Variants in KHDRBS3 observed in about 807,000 individuals in gnomAD.
KHDRBS3 encodes KH domain-containing, RNA-binding, signal transduction-associated protein 3.
A neutral mutation model predicts 45.6 loss-of-function variants in KHDRBS3; 23 were observed. The observed-to-expected ratio is 0.50, with a 90% CI of 0.36 to 0.72. The LOEUF is 0.72. Ranked by LOEUF, KHDRBS3 falls within the 30% of genes least tolerant of loss-of-function variation. The pLI is 0.00. For synonymous variants in KHDRBS3, 162 were observed against 156.5 expected (o/e 1.04, Z -0.26); for missense variants, 352 against 424.8 (o/e 0.83, Z 1.51).
rs767965972 is a variant in KHDRBS3 at position 135,582,450 on chromosome 8, G to A, written c.807+377G>A. Reference sequence around the variant, plus strand: ...GCCTGCGTATACCAAGATGGTTTCCGCCTTAACTGTTTCCTTTTAAGCTAC... The same window carrying A: ...GCCTGCGTATACCAAGATGGTTTCCACCTTAACTGTTTCCTTTTAAGCTAC... On this transcript the variant is annotated intron_variant, in intron 6 of 8. Coordinates refer to ENST00000355849, the MANE Select transcript of KHDRBS3 (RefSeq NM_006558.3). Among the ~76,000 whole-genome samples, 5 of 152,104 alleles carry A rather than the reference G, an allele frequency of 3.3e-5. No individual in the cohort carries two copies. The East Asian group carries it at 9.6e-4, about 29-fold the overall frequency.
intron 6 of KHDRBS3, among the ~76,000 whole-genome samples, chr8:135,587,171 T>G (rs536801141): frequency 6.6e-6 from 1 of 152,342 alleles, no homozygotes; most frequent in South Asian, 2.1e-4. Context: ...TTTCTCAAGG[T>G]GAGTTGGTGA....
chr8:135,523,823 G>T (rs1825039203), intron 2 of KHDRBS3, among the ~76,000 whole-genome samples: 1 of 151,784 alleles, frequency 6.6e-6, no homozygotes, highest in African/African-American at 2.4e-5. Flanking sequence ...AAATTTTTTT[G>T]AATGCTTTTT....
At chr8:135,517,929 TTAGA>T (rs1824700166) in intron 1 of KHDRBS3, among the ~76,000 whole-genome samples, 2 of 152,172 alleles carry the variant, frequency 1.3e-5, no homozygotes, top group African/African-American at 2.4e-5. Flanking sequence ...AGAGAGGAAA[TTAGA>T]TATTTTATAT....
intron 7 of KHDRBS3, among the ~76,000 whole-genome samples, chr8:135,630,418 A>G (rs1412082695): frequency 6.6e-6 from 1 of 152,044 alleles, no homozygotes; most frequent in African/African-American, 2.4e-5. Flanking sequence ...AATTTACCAA[A>G]CCTACTTTTT....
At chr8:135,584,453 G>T (rs1240690495) in intron 6 of KHDRBS3, among the ~76,000 whole-genome samples, 1 of 152,172 alleles carries the variant, frequency 6.6e-6, no homozygotes, top group African/African-American at 2.4e-5. Flanking sequence ...CATCATGAAG[G>T]GTTCAGATTA....
chr8:135,584,500 T>C (rs1828369789), intron 6 of KHDRBS3, among the ~76,000 whole-genome samples: 2 of 152,216 alleles, frequency 1.3e-5, no homozygotes, highest in South Asian at 4.1e-4. Context: ...TTAGCATCTA[T>C]TATTCCTGGC....
chr8:135,627,685 A>G (rs559801581), intron 7 of KHDRBS3, among the ~76,000 whole-genome samples: 1 of 152,218 alleles, frequency 6.6e-6, no homozygotes, highest in African/African-American at 2.4e-5. Context: ...GTGAAAGTTA[A>G]CATACGTATA....
chr8:135,632,607 C>A (rs915004624), intron 7 of KHDRBS3, among the ~76,000 whole-genome samples: 3 of 152,058 alleles, frequency 2.0e-5, no homozygotes, highest in Non-Finnish European at 2.9e-5. Flanking sequence ...ACTCTCCCTG[C>A]CCTGAAAGCT....
At chr8:135,588,204 GT>G (rs1828572571) in intron 6 of KHDRBS3, among the ~76,000 whole-genome samples, 1 of 152,146 alleles carries the variant, frequency 6.6e-6, no homozygotes, top group Non-Finnish European at 1.5e-5. Context: ...CCTTTCTTAT[GT>G]TTGATAATTT....
At chr8:135,616,729 G>A (rs532506047) in intron 7 of KHDRBS3, among the ~76,000 whole-genome samples, 4 of 152,236 alleles carry the variant, frequency 2.6e-5, no homozygotes, top group Admixed American at 6.5e-5. Context: ...TCTAAAAAGC[G>A]CTTGTGTTGA....
At chr8:135,562,426 C>G (rs1205979637) in intron 5 of KHDRBS3, among the ~76,000 whole-genome samples, 1 of 152,172 alleles carries the variant, frequency 6.6e-6, no homozygotes, top group African/African-American at 2.4e-5. Flanking sequence ...GGCTACGCCA[C>G]CTAGGTTTAT....
intron 7 of KHDRBS3, among the ~76,000 whole-genome samples, chr8:135,626,758 T>C (rs1049858778): frequency 4.6e-5 from 6 of 131,296 alleles, no homozygotes; most frequent in African/African-American, 1.8e-4. Context: ...GAGCCGAGAT[T>C]GCGCCACCGC....
intron 7 of KHDRBS3, 27 bp from the exon 8 acceptor site, chr8:135,645,032 C>T (rs546223861): frequency 6.2e-7 from 1 of 1,609,162 alleles, no homozygotes. Context: ...ATGATTTTGT[C>T]CTTTGTTTTG....
At chr8:135,655,489 A>T (rs768527789) in intron 4 of KHDRBS3, among the ~76,000 whole-genome samples, 35 of 152,232 alleles carry the variant, frequency 2.3e-4, no homozygotes, top group Non-Finnish European at 2.2e-4. Flanking sequence ...AAATGGCGTC[A>T]TGTGTTTTAG....
intron 1 of KHDRBS3, among the ~76,000 whole-genome samples, chr8:135,468,308 AT>A (rs1213734608): frequency 1.3e-5 from 2 of 152,008 alleles, no homozygotes; most frequent in Non-Finnish European, 2.9e-5. Context: ...CAAATGAGCC[AT>A]TTTCCCCAAA....
intron 2 of KHDRBS3, among the ~76,000 whole-genome samples, chr8:135,530,315 A>G (rs1174868265): frequency 1.3e-5 from 2 of 152,210 alleles, no homozygotes; most frequent in Admixed American, 6.5e-5. Flanking sequence ...TTGCGTGACT[A>G]TACTGGTATT....
rs755493434 is a variant in KHDRBS3 at position 135,457,825 on chromosome 8, G to A, written c.-42G>A. 9.7e-5 allele frequency: 135 copies of A among 1,388,408 alleles called. No individual in the cohort carries two copies. Among genetic ancestry groups the A allele is most frequent in the Non-Finnish European group, 1.2e-4 (126 of 1,034,864 alleles). 86.0% of individuals were successfully genotyped at this position (1,388,408 alleles called of 1,614,324 possible). A position where few individuals can be genotyped will look rare whatever the true frequency, so the allele number is the denominator to read the frequency against. On this transcript the variant is annotated 5_prime_UTR_variant, in exon 1 of 9. The change creates a new upstream start codon in the 5' untranslated region. Transcript: ENST00000355849. This position sits in a 1 kb window ranked among gnomAD's most constrained non-coding sequence, Gnocchi z 4.4. ...CGGGGGTTGCCGGGCGCCGCCCCCC[G>A]TGCGCCTGGAGTCCACATCCCGGGC...
At chr8:135,475,350 G>T (rs1822222282) in intron 1 of KHDRBS3, among the ~76,000 whole-genome samples, 1 of 151,872 alleles carries the variant, frequency 6.6e-6, no homozygotes, top group Admixed American at 6.6e-5. Context: ...TCGCTCTTTT[G>T]CCCAGGCTGG....
chr8:135,470,304 C>G (rs922651406), intron 1 of KHDRBS3, among the ~76,000 whole-genome samples: 2 of 149,194 alleles, frequency 1.3e-5, no homozygotes, highest in Admixed American at 6.7e-5. Context: ...ACAAGTTTTA[C>G]TGGTTTTTTT....
Sources: allele counts gnomAD v4.1 joint callset (sites outside exome capture counted in the v4.1 genomes callset), GRCh38; gene constraint gnomAD v4.1.1; non-coding constraint Gnocchi (gnomAD v3.1); transcripts MANE v1.5; gene names NCBI Gene and HGNC (gene_info 2026-07-23, HGNC 2026-07-21).